ACSS3: variants seen among roughly 807,000 people sequenced by gnomAD.
The protein encoded by ACSS3 is acyl-CoA synthetase short-chain family member 3, mitochondrial.
Under a neutral mutation model 84.2 loss-of-function variants are expected in ACSS3, and 64 were observed. The observed-to-expected ratio is 0.76, with a 90% CI of 0.62 to 0.94. The LOEUF is 0.94. ACSS3 is among the 40% of genes least tolerant of loss of function. The probability of loss-of-function intolerance (pLI) is 0.00; values close to 1 mark genes in which losing one functional copy is unlikely to be tolerated. For synonymous variants in ACSS3, 317 were observed against 310.1 expected (o/e 1.02, Z -0.23); for missense variants, 815 against 867.6 (o/e 0.94, Z 0.76).
chr12:81,122,411 T>A (rs957522070), intron 2 of ACSS3, among the ~76,000 whole-genome samples: 9 of 152,080 alleles, frequency 5.9e-5, no homozygotes, highest in African/African-American at 2.2e-4. Flanking sequence ...TAATGTTGTT[T>A]AAAAAATATT....
chr12:81,141,632 T>C (rs1886098125), intron 4 of ACSS3, among the ~76,000 whole-genome samples: 1 of 152,180 alleles, frequency 6.6e-6, no homozygotes. Flanking sequence ...TTTATTGAAG[T>C]CCTAATTTCA....
chr12:81,253,948 A>G (rs2034227367), intron 15 of ACSS3, among the ~76,000 whole-genome samples: 1 of 152,104 alleles, frequency 6.6e-6, no homozygotes, highest in Non-Finnish European at 1.5e-5. Context: ...ATTTAGAGAT[A>G]GAGTCTTGCT....
At chr12:81,114,842 G>T (rs1289293161) in intron 2 of ACSS3, among the ~76,000 whole-genome samples, 1 of 152,088 alleles carries the variant, frequency 6.6e-6, no homozygotes, top group Non-Finnish European at 1.5e-5. Flanking sequence ...TTCACAAACA[G>T]AATAATTCCA....
intron 2 of ACSS3, among the ~76,000 whole-genome samples, chr12:81,113,553 G>A (rs1883782112): frequency 6.6e-6 from 1 of 152,082 alleles, no homozygotes; most frequent in East Asian, 1.9e-4. Flanking sequence ...CGAAGGCAGT[G>A]ACTTTGTATT....
chr12:81,189,077 C>A (rs184416017), intron 8 of ACSS3, among the ~76,000 whole-genome samples: 29 of 152,204 alleles, frequency 1.9e-4, no homozygotes, highest in African/African-American at 6.7e-4. Flanking sequence ...ACCCTCTCCC[C>A]CTCCAACCAC....
At chr12:81,115,711 A>G (rs548881725) in intron 2 of ACSS3, among the ~76,000 whole-genome samples, 2 of 152,310 alleles carry the variant, frequency 1.3e-5, no homozygotes, top group South Asian at 4.1e-4. Context: ...CATTCTCACA[A>G]TTAAAGAGAA....
chr12:81,166,780 T>A (rs904955396), intron 7 of ACSS3, among the ~76,000 whole-genome samples: 1 of 152,224 alleles, frequency 6.6e-6, no homozygotes, highest in African/African-American at 2.4e-5. Context: ...AAGAATTGGA[T>A]GTTATGGAGG....
Position 81,143,193 on chromosome 12 carries a change from T to G in ACSS3, c.867T>G (p.Leu289=). 6.2e-7 allele frequency: 1 copy of G among 1,613,190 alleles called. No homozygotes were observed. The highest frequency in any genetic ancestry group is 8.5e-7 in the Non-Finnish European group (1 of 1,179,240). ...KAQSHDCVPV[L]SEHPLYILYT... is the part of the protein sequence containing the mutation. ...AGTCACATGACTGTGTTCCTGTTCT[T>G]TCAGAACACCCACTGTATATTCTTT... The change falls in exon 5 of 16, where the codon CTT becomes CTG. Residue 289 remains leucine, a synonymous_variant. Coordinates refer to ENST00000548058, the MANE Select transcript of ACSS3 (RefSeq NM_024560.4).
At chr12:81,169,755 A>C (rs531833638) in intron 7 of ACSS3, among the ~76,000 whole-genome samples, 4 of 152,126 alleles carry the variant, frequency 2.6e-5, no homozygotes, top group Non-Finnish European at 5.9e-5. Context: ...TGTCCCAAGC[A>C]CTCATCCCTT....
At chr12:81,112,103 G>A (rs1349213906) in intron 2 of ACSS3, among the ~76,000 whole-genome samples, 1 of 152,026 alleles carries the variant, frequency 6.6e-6, no homozygotes, top group African/African-American at 2.4e-5. Context: ...AGATAATGTC[G>A]ATTTCCTGAA....
At chr12:81,187,643 T>G (rs529308698) in intron 8 of ACSS3, among the ~76,000 whole-genome samples, 1 of 151,868 alleles carries the variant, frequency 6.6e-6, no homozygotes, top group Non-Finnish European at 1.5e-5. Context: ...GTAAATAATA[T>G]AAACCCGTTT....
At position 81,256,582 on chromosome 12, in the gene ACSS3, T is replaced by C. The variant is rs2034307352; in HGVS notation, c.*1660T>C. On this transcript the variant is annotated 3_prime_UTR_variant, in exon 16 of 16. Transcript: ENST00000548058. ...TCTTTTAATCTATCAGGAACATTAC[T>C]ATCAAGAGCAGATTGTTGTAACATA... 6.6e-6 allele frequency: 1 copy of C among 152,182 alleles called. No individual in the cohort carries two copies. Among genetic ancestry groups the C allele is most frequent in the South Asian group, 2.1e-4 (1 of 4,834 alleles). 9.4% of individuals were successfully genotyped at this position (152,182 alleles called of 1,614,324 possible).
At chr12:81,190,381 G>A (rs1593178168) in intron 8 of ACSS3, among the ~76,000 whole-genome samples, 1 of 151,932 alleles carries the variant, frequency 6.6e-6, no homozygotes. Context: ...TTATTTTTAT[G>A]CTATGGTCAA....
At position 81,102,953 on chromosome 12, in the gene ACSS3, T is replaced by A. The variant is rs115722423; in HGVS notation, c.312-6607T>A. On this transcript the variant is annotated intron_variant, in intron 1 of 15. Transcript: ENST00000548058. ...TATTTCCAGAAAACAATTTGATTAT[T>A]CAATTTTAATGTGCACACATGTGTT... Among the ~76,000 whole-genome samples, 545 of 152,324 alleles carry A rather than the reference T, an allele frequency of 3.6e-3. 5 individuals carry two copies. The highest frequency in any genetic ancestry group is 0.012 in the African/African-American group (516 of 41,570).
In ACSS3 at chr12:81,260,653, A is replaced by C. The variant is rs2035141917; in HGVS notation, c.*5731A>C. 6.6e-6 allele frequency: 1 copy of C among 152,188 alleles called. No homozygotes were observed. Among genetic ancestry groups the C allele is most frequent in the Non-Finnish European group, 1.5e-5 (1 of 68,034 alleles). The allele number at this position is 152,188 out of a possible 1,614,324, so 9.4% of individuals were successfully genotyped here. On this transcript the variant is annotated 3_prime_UTR_variant, in exon 16 of 16. Coordinates refer to ENST00000548058, the MANE Select transcript of ACSS3 (RefSeq NM_024560.4). ...GCTTTTCATTTTATCAGCTTCAAAT[A>C]GTGATCCAAATAAGGCAGCATATCT...
intron 1 of ACSS3, among the ~76,000 whole-genome samples, chr12:81,090,308 T>A (rs1342091011): frequency 6.6e-6 from 1 of 152,040 alleles, no homozygotes; most frequent in Non-Finnish European, 1.5e-5. Context: ...GCAAAAATGC[T>A]CAATGCTCAT....
intron 2 of ACSS3, among the ~76,000 whole-genome samples, chr12:81,134,019 G>A (rs941273172): frequency 2.8e-4 from 43 of 151,346 alleles, no homozygotes; most frequent in Admixed American, 6.6e-4. Flanking sequence ...TTGCTAGAAA[G>A]TACAAAAACA....
chr12:81,095,102 T>C (rs1022635140), intron 1 of ACSS3, among the ~76,000 whole-genome samples: 1 of 152,206 alleles, frequency 6.6e-6, no homozygotes. Context: ...TCTGGATAAC[T>C]CTGAGGTTTC....
intron 11 of ACSS3, among the ~76,000 whole-genome samples, chr12:81,229,641 C>CACACATT (rs1171780483): frequency 6.6e-6 from 1 of 151,830 alleles, no homozygotes; most frequent in Admixed American, 6.6e-5. Context: ...ATTTAGCAAA[C>CACACATT]AGTAATAATC....
Sources: allele counts gnomAD v4.1 joint callset (sites outside exome capture counted in the v4.1 genomes callset), GRCh38; gene constraint gnomAD v4.1.1; transcripts MANE v1.5; gene names NCBI Gene and HGNC (gene_info 2026-07-23, HGNC 2026-07-21).